The following YIPF7 variants were observed in gnomAD, a reference collection of about 807,000 sequenced individuals.
YIPF7 encodes Yip1 domain family member 7, also known as protein YIPF7.
In YIPF7, 35 loss-of-function variants were observed where a neutral mutation model predicts 27.2. The observed-to-expected ratio is 1.29, with a 90% confidence interval of 0.98 to 1.70. The LOEUF (loss-of-function observed/expected upper bound fraction) is 1.70, where lower values mean the gene tolerates loss of function less well. YIPF7 is among the 40% of genes most tolerant of loss of function. The pLI, the probability that YIPF7 is intolerant of heterozygous loss-of-function variation, is 0.00. For synonymous variants in YIPF7, 137 were observed against 110.4 expected, an observed-to-expected ratio of 1.24 and a Z score of -1.51; for missense variants, 358 against 303.7, an observed-to-expected ratio of 1.18 and a Z score of -1.33.
chr4:44,636,355 C>T (rs1339134114), intron 2 of YIPF7, among the ~76,000 whole-genome samples: 1 of 152,144 alleles, frequency 6.6e-6, no homozygotes, highest in Non-Finnish European at 1.5e-5. Context: ...TCAGTTAAAA[C>T]TCTATAAGGT....
intron 2 of YIPF7, among the ~76,000 whole-genome samples, chr4:44,649,615 T>TA (rs11479581): frequency 0.12 from 16,869 of 140,576 alleles, 1,181 homozygotes; most frequent in East Asian, 0.3. Context: ...TACTAAACAT[T>TA]AAAAAAAAAA....
At chr4:44,629,134 C>G in intron 4 of YIPF7, 1 of 280,934 alleles carries the variant, frequency 3.6e-6, no homozygotes, top group Non-Finnish European at 6.5e-6. Flanking sequence ...TCCAGATTTA[C>G]AGTCTTTTCT....
intron 2 of YIPF7, among the ~76,000 whole-genome samples, chr4:44,639,825 G>GA (rs1310069170): frequency 6.6e-6 from 1 of 152,002 alleles, no homozygotes; most frequent in Non-Finnish European, 1.5e-5. Flanking sequence ...GTTATCTGTG[G>GA]ATTTGTCCTA....
At chr4:44,622,707 A>G (rs1712486653) in intron 5 of YIPF7, 131 bp from the exon 6 acceptor site, 1 of 1,176,952 alleles carries the variant, frequency 8.5e-7, no homozygotes. Context: ...AAATGATAAA[A>G]TATATGAACA....
intron 1 of YIPF7, among the ~76,000 whole-genome samples, chr4:44,650,530 C>CACACACA: frequency 6.6e-6 from 1 of 151,848 alleles, no homozygotes; most frequent in African/African-American, 2.4e-5. Flanking sequence ...CACACACACA[C>CACACACA]ACTTGTACCA....
At chr4:44,639,608 T>C (rs1713258720) in intron 2 of YIPF7, among the ~76,000 whole-genome samples, 1 of 152,076 alleles carries the variant, frequency 6.6e-6, no homozygotes, top group Non-Finnish European at 1.5e-5. Context: ...CTCTAAGAGG[T>C]TTTGGTGAAT....
At chr4:44,639,944 A>T (rs1360932356) in intron 2 of YIPF7, among the ~76,000 whole-genome samples, 3 of 152,178 alleles carry the variant, frequency 2.0e-5, no homozygotes, top group Non-Finnish European at 2.9e-5. Flanking sequence ...ATCCATTGAG[A>T]TAATCATATG....
chr4:44,636,930 T>C (rs1713145311), intron 2 of YIPF7, among the ~76,000 whole-genome samples: 1 of 152,200 alleles, frequency 6.6e-6, no homozygotes. Context: ...CAAGTATCAA[T>C]TGCCAATGAT....
chr4:44,645,745 T>C (rs1043750992), intron 2 of YIPF7, among the ~76,000 whole-genome samples: 3 of 152,166 alleles, frequency 2.0e-5, no homozygotes, highest in African/African-American at 7.2e-5. Context: ...TTAGTAAACG[T>C]CTCCTCTTCC....
chr4:44,648,924 T>G (rs1021020945), intron 2 of YIPF7, among the ~76,000 whole-genome samples: 10 of 152,324 alleles, frequency 6.6e-5, no homozygotes, highest in Middle Eastern at 3.4e-3. Flanking sequence ...TATCAAATTC[T>G]TAATCATTTT....
intron 1 of YIPF7, chr4:44,660,734 A>G (rs1714025677): frequency 6.6e-6 from 1 of 152,212 alleles, no homozygotes; most frequent in Admixed American, 6.5e-5. Context: ...GTTTTTGAAA[A>G]TGTTACATTG....
intron 1 of YIPF7, among the ~76,000 whole-genome samples, chr4:44,661,527 A>G (rs944557785): frequency 1.3e-5 from 2 of 152,242 alleles, no homozygotes; most frequent in African/African-American, 4.8e-5. Flanking sequence ...AGATTTGTAA[A>G]TAGTAAAATT....
At chr4:44,655,124 G>T (rs1163264382), upstream of YIPF7, among the ~76,000 whole-genome samples, 1 of 151,950 alleles carries the variant, frequency 6.6e-6, no homozygotes, top group African/African-American at 2.4e-5. Context: ...GCAACAATTT[G>T]CCATATACCT....
In YIPF7 at chr4:44,624,671, C is replaced by A. The variant is rs776199494; in HGVS notation, c.538G>T (p.Ala180Ser). The A allele has an allele frequency of 6.8e-6, 11 of 1,606,882 alleles. No homozygotes were observed. Among genetic ancestry groups the A allele is most frequent in the Non-Finnish European group, 8.5e-6 (10 of 1,176,970 alleles). Residue 180 changes from alanine to serine, a missense_variant, in exon 5 of 6, where the codon GCC (alanine) becomes TCC (serine). Physicochemically the swap from Ala to Ser is moderately conservative, Grantham distance 99. Transcript: ENST00000415895. ...SSSGVSYGCV[A>S]SVLGYCLLPM... ...AGCAGGCAGTAACCCAGCACGCTGG[C>A]CACACAGCCGTACGACACCCCTGAA...
At chr4:44,641,279 G>C (rs1713316525) in intron 2 of YIPF7, among the ~76,000 whole-genome samples, 1 of 151,946 alleles carries the variant, frequency 6.6e-6, no homozygotes, top group African/African-American at 2.4e-5. Context: ...AAGTGTGATT[G>C]TCTACACACC....
chr4:44,652,931 C>T (rs571849644), upstream of YIPF7, among the ~76,000 whole-genome samples: 44 of 152,136 alleles, frequency 2.9e-4, 1 homozygote, highest in Admixed American at 2.4e-3. Context: ...TGACTGAGTT[C>T]AGAACTCACA....
intron 3 of YIPF7, among the ~76,000 whole-genome samples, chr4:44,635,398 C>T (rs149364041): frequency 1.5e-3 from 232 of 152,128 alleles, no homozygotes; most frequent in African/African-American, 5.3e-3. Flanking sequence ...GATTTATGTT[C>T]TTCCTCACCT....
intron 4 of YIPF7, among the ~76,000 whole-genome samples, chr4:44,625,899 T>C (rs1337699980): frequency 6.6e-6 from 1 of 152,192 alleles, no homozygotes; most frequent in African/African-American, 2.4e-5. Flanking sequence ...GAATAGGCTG[T>C]CTCTGGTTTT....
In YIPF7 at chr4:44,622,296, C is replaced by T; in HGVS notation, c.*118G>A. 1 of 1,267,350 alleles carries T rather than the reference C, an allele frequency of 7.9e-7. No individual in the cohort carries two copies. The highest frequency in any genetic ancestry group is 1.1e-6 in the Non-Finnish European group (1 of 924,850). The allele number at this position is 1,267,350 out of a possible 1,614,324, so 78.5% of individuals were successfully genotyped here. A position where few individuals can be genotyped will look rare whatever the true frequency, so the allele number is the denominator to read the frequency against. On this transcript the variant is annotated 3_prime_UTR_variant, in exon 6 of 6. Transcript: ENST00000415895. ...CCTTAAGTGCTGCTTTGTCTCTCTG[C>T]TTATTACTCTCTCAAAAGCAATAAA...
Sources: gnomAD v4.1 joint callset for allele counts (sites outside exome capture counted in the v4.1 genomes callset) on GRCh38, gnomAD v4.1.1 for gene constraint, MANE v1.5 for transcripts, NCBI Gene and HGNC (gene_info 2026-07-23, HGNC 2026-07-21) for gene names.